The following GNAL variants were observed in gnomAD, a reference collection of about 807,000 sequenced individuals.
GNAL encodes the protein G protein subunit alpha L, also known as guanine nucleotide-binding protein G(olf) subunit alpha.
In GNAL, 18 loss-of-function variants were observed where a neutral mutation model predicts 55.1. The ratio of observed to expected loss-of-function variants is 0.33; its 90% CI spans 0.23 to 0.48. The LOEUF is 0.48. GNAL is among the 20% of genes least tolerant of loss of function. The pLI, the probability that GNAL is intolerant of heterozygous loss-of-function variation, is 0.99. For synonymous variants in GNAL, 253 were observed against 237.0 expected (o/e 1.07, Z -0.62); for missense variants, 412 against 614.1 (o/e 0.67, Z 3.48).
intron 5 of GNAL, among the ~76,000 whole-genome samples, chr18:11,860,466 C>T (rs1598434648): frequency 6.6e-6 from 1 of 152,338 alleles, no homozygotes; most frequent in East Asian, 1.9e-4. Flanking sequence ...AAGAACTTCC[C>T]TCTTTCCCAT....
intron 1 of GNAL, among the ~76,000 whole-genome samples, chr18:11,708,237 G>T (rs1453499869): frequency 1.3e-5 from 2 of 152,086 alleles, no homozygotes; most frequent in Non-Finnish European, 2.9e-5. Context: ...GATTTAAAGT[G>T]AGACAGTCTT....
At chr18:11,695,742 ATAGTTTATG>A (rs1360774609) in intron 1 of GNAL, among the ~76,000 whole-genome samples, 4 of 152,044 alleles carry the variant, frequency 2.6e-5, no homozygotes, top group African/African-American at 9.7e-5. Flanking sequence ...ATTTCTTGTT[ATAGTTTATG>A]TATTTGCTAT....
intron 1 of GNAL, among the ~76,000 whole-genome samples, chr18:11,721,127 C>T (rs999842827): frequency 1.3e-5 from 2 of 152,152 alleles, no homozygotes; most frequent in African/African-American, 4.8e-5. Context: ...GCTAAGCCAC[C>T]GTACTGCTGT....
rs554264364 is a variant in GNAL at position 11,816,453 on chromosome 18, C to T, written c.625-8465C>T. 1.1e-4 allele frequency among the ~76,000 whole-genome samples: 16 copies of T among 152,132 alleles called. No homozygotes were observed. The East Asian group carries it at 3.1e-3, about 30-fold the overall frequency. ...CTGGGACTACAGGCGCCCGCCACCA[C>T]ACCCAGCTAATTTTTTTGTATTTTT... On this transcript the variant is annotated intron_variant, in intron 4 of 11. Coordinates refer to ENST00000334049, the MANE Select transcript of GNAL (RefSeq NM_182978.4).
intron 6 of GNAL, among the ~76,000 whole-genome samples, chr18:11,862,655 CA>C (rs1160853541): frequency 6.6e-6 from 1 of 152,176 alleles, no homozygotes; most frequent in Non-Finnish European, 1.5e-5. Flanking sequence ...TAGTGATTAT[CA>C]AAATTGCCAG....
At chr18:11,707,110 T>G (rs190069262) in intron 1 of GNAL, among the ~76,000 whole-genome samples, 84 of 152,278 alleles carry the variant, frequency 5.5e-4, no homozygotes, top group Non-Finnish European at 2.5e-4. Flanking sequence ...CAGGCTCAAG[T>G]GATTATCCTG....
At chr18:11,758,213 TGCAGAC>T (rs1395277075) in intron 4 of GNAL, among the ~76,000 whole-genome samples, 2 of 152,164 alleles carry the variant, frequency 1.3e-5, no homozygotes, top group African/African-American at 4.8e-5. Flanking sequence ...AGAGAACAGG[TGCAGAC>T]GCAGGTATGT....
chr18:11,727,039 G>A (rs2032227948), intron 1 of GNAL, among the ~76,000 whole-genome samples: 1 of 151,816 alleles, frequency 6.6e-6, no homozygotes, highest in Non-Finnish European at 1.5e-5. Context: ...AGCAGCCTCT[G>A]TGTGCGTCCT....
At chr18:11,785,458 A>C (rs919153532) in intron 4 of GNAL, among the ~76,000 whole-genome samples, 3 of 152,212 alleles carry the variant, frequency 2.0e-5, no homozygotes, top group Non-Finnish European at 4.4e-5. Context: ...AAAGGAGGAC[A>C]CTGGATGATG....
intron 4 of GNAL, among the ~76,000 whole-genome samples, chr18:11,760,021 A>G (rs1379604330): frequency 1.3e-5 from 2 of 151,790 alleles, no homozygotes; most frequent in Non-Finnish European, 2.9e-5. Context: ...TACCTCATCA[A>G]ACCCACCTCC....
At chr18:11,728,483 C>T (rs930059108) in intron 1 of GNAL, among the ~76,000 whole-genome samples, 7 of 152,152 alleles carry the variant, frequency 4.6e-5, no homozygotes, top group Non-Finnish European at 8.8e-5. Flanking sequence ...AGGAGCTCCA[C>T]CTTCATCAAG....
intron 4 of GNAL, chr18:11,810,376 C>T (rs2034780286): frequency 6.6e-6 from 1 of 152,380 alleles, no homozygotes; most frequent in Non-Finnish European, 1.5e-5. Context: ...GCCTGAGTGA[C>T]AGAGTGAGAT....
At chr18:11,750,927 G>C (rs1444680200) in intron 1 of GNAL, among the ~76,000 whole-genome samples, 1 of 152,130 alleles carries the variant, frequency 6.6e-6, no homozygotes, top group Non-Finnish European at 1.5e-5. Flanking sequence ...AAGGTGCGCT[G>C]GGTGAGGGGC....
At chr18:11,787,153 A>G (rs73401832) in intron 4 of GNAL, among the ~76,000 whole-genome samples, 9,573 of 152,240 alleles carry the variant, frequency 0.063, 435 homozygotes, top group African/African-American at 0.12. Context: ...ATGAAAAGCT[A>G]AAGTCAAGAG....
At chr18:11,757,144 G>A (rs866022201) in intron 4 of GNAL, among the ~76,000 whole-genome samples, 5 of 152,124 alleles carry the variant, frequency 3.3e-5, no homozygotes, top group African/African-American at 1.2e-4. Context: ...TGCTCTTTGG[G>A]TCTTTTGCTC....
intron 5 of GNAL, chr18:11,852,491 G>A (rs1388884753): frequency 4.9e-6 from 1 of 205,286 alleles, no homozygotes; most frequent in Admixed American, 5.3e-5. Context: ...TAGAATGGCA[G>A]GTGGTGCATA....
At chr18:11,715,460 CAA>C (rs34339537) in intron 1 of GNAL, among the ~76,000 whole-genome samples, 21 of 67,716 alleles carry the variant, frequency 3.1e-4, no homozygotes, top group Admixed American at 5.4e-4. Flanking sequence ...GACTCCATCT[CAA>C]AAAAAAAAAA....
intron 4 of GNAL, among the ~76,000 whole-genome samples, chr18:11,788,908 A>ATATAT (rs372490535): frequency 0.024 from 1,761 of 72,692 alleles, 32 homozygotes; most frequent in Admixed American, 0.065. Flanking sequence ...AAAAAAAAAA[A>ATATAT]AAAAAAATAT....
chr18:11,801,895 G>A (rs989395302), intron 4 of GNAL, among the ~76,000 whole-genome samples: 23 of 152,108 alleles, frequency 1.5e-4, no homozygotes, highest in African/African-American at 4.6e-4. Flanking sequence ...AGTTTAAGAT[G>A]TGCATTAGAC....
Sources: allele counts gnomAD v4.1 joint callset (sites outside exome capture counted in the v4.1 genomes callset), GRCh38; gene constraint gnomAD v4.1.1; transcripts MANE v1.5; gene names NCBI Gene and HGNC (gene_info 2026-07-23, HGNC 2026-07-21).